Variants in CCDC85A observed in about 807,000 individuals in gnomAD.
The protein encoded by CCDC85A is coiled-coil domain containing 85A.
In CCDC85A, 38 loss-of-function variants were observed where a neutral mutation model predicts 50.2. That is an observed-to-expected ratio of 0.76 (90% CI 0.58 to 0.99). The LOEUF (loss-of-function observed/expected upper bound fraction) is 0.99. CCDC85A is among the 50% of genes least tolerant of loss of function. The pLI, the probability that CCDC85A is intolerant of heterozygous loss-of-function variation, is 0.00. For synonymous variants in CCDC85A, 366 were observed against 301.4 expected, an observed-to-expected ratio of 1.21 and a Z score of -2.22; for missense variants, 820 against 742.0, an observed-to-expected ratio of 1.11 and a Z score of -1.22.
In CCDC85A at chr2:56,193,583, A is replaced by G. The variant is rs1325552126; in HGVS notation, c.1240+143A>G. ...GGGGAAGGAGCAAATGTTGGACCCA[A>G]AATCATGATATGGGGTTCTTCTCCT... On this transcript the variant is annotated intron_variant, in intron 2 of 5. Transcript: ENST00000407595. 3 of 846,050 alleles carry G rather than the reference A, an allele frequency of 3.5e-6. No homozygotes were observed. In the Admixed American group the frequency reaches 8.8e-5, roughly 25 times the overall value. 52.4% of individuals were successfully genotyped at this position (846,050 alleles called of 1,614,324 possible).
chr2:56,281,074 G>A (rs1671186341), intron 2 of CCDC85A, among the ~76,000 whole-genome samples: 1 of 152,046 alleles, frequency 6.6e-6, no homozygotes, highest in Non-Finnish European at 1.5e-5. Context: ...ACCCCCAAAA[G>A]TTACCTTTTA....
chr2:56,218,638 A>G (rs1668190907), intron 2 of CCDC85A, among the ~76,000 whole-genome samples: 1 of 151,946 alleles, frequency 6.6e-6, no homozygotes, highest in African/African-American at 2.4e-5. Flanking sequence ...AAAATTTAAC[A>G]TTTGTCCCCC....
intron 2 of CCDC85A, among the ~76,000 whole-genome samples, chr2:56,336,409 C>T (rs1367715492): frequency 6.6e-6 from 1 of 152,180 alleles, no homozygotes; most frequent in African/African-American, 2.4e-5. Flanking sequence ...CTGCCTTGGC[C>T]TCCCAAAGTG....
intron 2 of CCDC85A, among the ~76,000 whole-genome samples, chr2:56,256,652 G>T (rs1669996882): frequency 6.6e-6 from 1 of 152,186 alleles, no homozygotes; most frequent in East Asian, 1.9e-4. Context: ...TCATTTAGGA[G>T]CCCTGCAGTT....
chr2:56,326,665 C>T (rs970920791), intron 2 of CCDC85A, among the ~76,000 whole-genome samples: 1 of 152,012 alleles, frequency 6.6e-6, no homozygotes, highest in African/African-American at 2.4e-5. Flanking sequence ...AATTTTACTA[C>T]CAAAAGTTAA....
chr2:56,331,962 C>A (rs1289851460), intron 2 of CCDC85A, among the ~76,000 whole-genome samples: 3 of 152,174 alleles, frequency 2.0e-5, no homozygotes, highest in Admixed American at 2.0e-4. Context: ...CCAGGCTGCT[C>A]TCTGGCGGTG....
At chr2:56,204,939 A>G (rs571776672) in intron 2 of CCDC85A, among the ~76,000 whole-genome samples, 1 of 152,132 alleles carries the variant, frequency 6.6e-6, no homozygotes, top group Non-Finnish European at 1.5e-5. Context: ...AGTAGAGGTG[A>G]CTTGGGATTT....
At chr2:56,287,598 T>G (rs1671504169) in intron 2 of CCDC85A, among the ~76,000 whole-genome samples, 1 of 152,196 alleles carries the variant, frequency 6.6e-6, no homozygotes, top group Non-Finnish European at 1.5e-5. Flanking sequence ...CTTTGTGGAA[T>G]GCATATTAGA....
chr2:56,354,999 G>T (rs1343707167), intron 3 of CCDC85A, among the ~76,000 whole-genome samples: 1 of 152,140 alleles, frequency 6.6e-6, no homozygotes, highest in African/African-American at 2.4e-5. Context: ...CATGGGCCCA[G>T]CCCGCTATGA....
intron 2 of CCDC85A, among the ~76,000 whole-genome samples, chr2:56,252,320 A>G (rs780290494): frequency 6.6e-6 from 1 of 152,164 alleles, no homozygotes; most frequent in Non-Finnish European, 1.5e-5. Context: ...TGCTGGGATT[A>G]TAGGCGTGAG....
chr2:56,336,037 A>C (rs1011645130), intron 2 of CCDC85A, among the ~76,000 whole-genome samples: 14 of 152,196 alleles, frequency 9.2e-5, no homozygotes, highest in Non-Finnish European at 2.1e-4. Flanking sequence ...GAAAGGGATA[A>C]ACAGTCAAGC....
chr2:56,262,595 AC>A (rs1670266673), intron 2 of CCDC85A, among the ~76,000 whole-genome samples: 1 of 152,042 alleles, frequency 6.6e-6, no homozygotes, highest in South Asian at 2.1e-4. Context: ...CCATCAGTAA[AC>A]CATTCACACA....
At chr2:56,280,821 T>C (rs974014827) in intron 2 of CCDC85A, among the ~76,000 whole-genome samples, 2 of 152,228 alleles carry the variant, frequency 1.3e-5, no homozygotes, top group African/African-American at 4.8e-5. Context: ...TAGTACTACA[T>C]GTTAATAAAG....
At chr2:56,365,904 C>T (rs764915252) in intron 3 of CCDC85A, among the ~76,000 whole-genome samples, 10 of 152,116 alleles carry the variant, frequency 6.6e-5, no homozygotes, top group Non-Finnish European at 1.0e-4. Flanking sequence ...ACAGACATTT[C>T]CTTCTCCTTC....
At chr2:56,221,365 TC>T (rs1475743260) in intron 2 of CCDC85A, among the ~76,000 whole-genome samples, 1 of 151,368 alleles carries the variant, frequency 6.6e-6, no homozygotes, top group Non-Finnish European at 1.5e-5. Context: ...ACTGATACTT[TC>T]TATTTTTTTT....
At position 56,328,522 on chromosome 2, in the gene CCDC85A, C is replaced by T. The variant is rs560562258; in HGVS notation, c.1241-14357C>T. Among the ~76,000 whole-genome samples the T allele has an allele frequency of 4.6e-5, 7 of 152,240 alleles. No individual in the cohort carries two copies. The East Asian group carries it at 5.8e-4, about 13-fold the overall frequency. Reference sequence around the variant, plus strand: ...GACTTCACATTTAAACCAAGACTGCCGGTCTCTTCTCTGAGCTCCAGACCC... The same window carrying T: ...GACTTCACATTTAAACCAAGACTGCTGGTCTCTTCTCTGAGCTCCAGACCC... On this transcript the variant is annotated intron_variant, in intron 2 of 5. Coordinates refer to ENST00000407595, the MANE Select transcript of CCDC85A (RefSeq NM_001080433.2).
chr2:56,296,479 T>C (rs1486755621), intron 2 of CCDC85A, among the ~76,000 whole-genome samples: 1 of 152,148 alleles, frequency 6.6e-6, no homozygotes, highest in African/African-American at 2.4e-5. Flanking sequence ...AGCTGAACCG[T>C]CACCAGGCGC....
chr2:56,290,398 C>T (rs528781702), intron 2 of CCDC85A, among the ~76,000 whole-genome samples: 72 of 151,990 alleles, frequency 4.7e-4, no homozygotes, highest in African/African-American at 1.7e-3. Flanking sequence ...AGAGAACAGG[C>T]TTTTTTTGCC....
At chr2:56,265,997 G>A (rs954049143) in intron 2 of CCDC85A, among the ~76,000 whole-genome samples, 4 of 152,112 alleles carry the variant, frequency 2.6e-5, no homozygotes, top group Non-Finnish European at 4.4e-5. Context: ...TTGCCACATC[G>A]TGAATGAACC....
Sources: gnomAD v4.1 joint callset for allele counts (sites outside exome capture counted in the v4.1 genomes callset) on GRCh38, gnomAD v4.1.1 for gene constraint, MANE v1.5 for transcripts, NCBI Gene and HGNC (gene_info 2026-07-23, HGNC 2026-07-21) for gene names.